SMYD3: variants seen among roughly 807,000 people sequenced by gnomAD.
SMYD3 encodes histone-lysine N-methyltransferase SMYD3.
Under a neutral mutation model 57.7 loss-of-function variants are expected in SMYD3, and 36 were observed. The observed-to-expected ratio is 0.62, with a 90% CI of 0.48 to 0.82. The LOEUF (loss-of-function observed/expected upper bound fraction) is 0.82. SMYD3 is among the 40% of genes least tolerant of loss of function. SMYD3 has a pLI of 0.00. For synonymous variants in SMYD3, 211 were observed against 195.0 expected (o/e 1.08, Z -0.68); for missense variants, 515 against 538.8 (o/e 0.96, Z 0.44).
In SMYD3 at chr1:246,466,328, G is replaced by A. The variant is rs116906148; in HGVS notation, c.164+40726C>T. Among the ~76,000 whole-genome samples, 6 of 152,302 alleles carry A rather than the reference G, an allele frequency of 3.9e-5. No individual in the cohort carries two copies. In the East Asian group the frequency reaches 1.2e-3, roughly 29 times the overall value. On this transcript the variant is annotated intron_variant, in intron 1 of 11. Transcript: ENST00000490107. ...AAAGAAAATGTACCTATACACCATG[G>A]AATACTATGCATGCGGCCATAAAAA...
At chr1:246,218,072 G>A (rs995001047) in intron 5 of SMYD3, among the ~76,000 whole-genome samples, 2 of 152,120 alleles carry the variant, frequency 1.3e-5, no homozygotes, top group African/African-American at 4.8e-5. Flanking sequence ...AAAACTGAAT[G>A]AGTTGCAGTT....
chr1:246,336,101 G>T (rs1313651273), intron 2 of SMYD3, among the ~76,000 whole-genome samples: 1 of 152,132 alleles, frequency 6.6e-6, no homozygotes, highest in African/African-American at 2.4e-5. Context: ...GAAAAGTTCT[G>T]GTTTTGATGA....
At chr1:246,064,726 C>A (rs1029054677) in intron 5 of SMYD3, among the ~76,000 whole-genome samples, 1 of 152,246 alleles carries the variant, frequency 6.6e-6, no homozygotes, top group African/African-American at 2.4e-5. Flanking sequence ...ATAAATGTCA[C>A]AACTTCAGCA....
chr1:246,104,498 G>A (rs899013204), intron 5 of SMYD3, among the ~76,000 whole-genome samples: 6 of 152,200 alleles, frequency 3.9e-5, no homozygotes, highest in Non-Finnish European at 8.8e-5. Context: ...AATGCAGGCT[G>A]AGTGGGCTCG....
At chr1:246,495,401 A>C (rs988201994) in intron 1 of SMYD3, among the ~76,000 whole-genome samples, 1 of 151,686 alleles carries the variant, frequency 6.6e-6, no homozygotes, top group Non-Finnish European at 1.5e-5. Context: ...ACTCCAGACA[A>C]ATTAAATGAG....
At chr1:246,473,600 C>T (rs1221728458) in intron 1 of SMYD3, among the ~76,000 whole-genome samples, 2 of 152,122 alleles carry the variant, frequency 1.3e-5, no homozygotes, top group East Asian at 3.8e-4. Flanking sequence ...CTAAAATTGC[C>T]CCCCACCACC....
chr1:246,190,873 C>A (rs1355489367), intron 5 of SMYD3, among the ~76,000 whole-genome samples: 1 of 151,956 alleles, frequency 6.6e-6, no homozygotes, highest in Non-Finnish European at 1.5e-5. Flanking sequence ...AGAAGGAAAG[C>A]AAGAGAAAAT....
chr1:246,300,453 C>T (rs2064874344), intron 5 of SMYD3, among the ~76,000 whole-genome samples: 1 of 152,158 alleles, frequency 6.6e-6, no homozygotes, highest in South Asian at 2.1e-4. Context: ...AAATTGCCTT[C>T]TTAGGTGTAC....
At chr1:245,882,108 G>A (rs2052812004) in intron 8 of SMYD3, among the ~76,000 whole-genome samples, 1 of 152,222 alleles carries the variant, frequency 6.6e-6, no homozygotes, top group East Asian at 1.9e-4. Context: ...GGTGGAAACA[G>A]GCAGACCGCT....
At chr1:245,931,358 T>C (rs867203529) in intron 5 of SMYD3, among the ~76,000 whole-genome samples, 6 of 152,192 alleles carry the variant, frequency 3.9e-5, no homozygotes, top group Non-Finnish European at 7.3e-5. Flanking sequence ...CCTTACTTAC[T>C]GCGGGACGGC....
chr1:245,766,132 C>T (rs895163086), intron 10 of SMYD3, among the ~76,000 whole-genome samples: 25 of 151,894 alleles, frequency 1.6e-4, no homozygotes, highest in African/African-American at 4.8e-4. Context: ...GGGCTGGGCG[C>T]GGCGGCTCAC....
intron 7 of SMYD3, among the ~76,000 whole-genome samples, chr1:245,927,038 A>T (rs1028367691): frequency 1.3e-5 from 2 of 152,252 alleles, no homozygotes; most frequent in African/African-American, 4.8e-5. Context: ...TACATAAAAT[A>T]TGGTACCTCT....
At chr1:245,800,289 T>A (rs2047792119) in intron 10 of SMYD3, among the ~76,000 whole-genome samples, 2 of 152,144 alleles carry the variant, frequency 1.3e-5, no homozygotes, top group African/African-American at 4.8e-5. Flanking sequence ...GGTCCTTCCA[T>A]CGGAAGCTCT....
intron 1 of SMYD3, among the ~76,000 whole-genome samples, chr1:246,470,827 G>A (rs911343399): frequency 1.3e-5 from 2 of 152,076 alleles, no homozygotes; most frequent in Non-Finnish European, 2.9e-5. Flanking sequence ...CAAAAGTACT[G>A]TGTGAATGTT....
Position 246,233,205 on chromosome 1 carries a change from A to G in SMYD3, c.531+93996T>C, listed in dbSNP as rs2063447776. ...CACACAGAGGAGAAGCACTCCTTCA[A>G]TTCACACTGTGATGAACATATACCA... is the stretch of plus-strand genomic sequence containing the variant. On this transcript the variant is annotated intron_variant, in intron 5 of 11. Coordinates refer to ENST00000490107, the MANE Select transcript of SMYD3 (RefSeq NM_001167740.2). 4.9e-5 allele frequency among the ~76,000 whole-genome samples: 6 copies of G among 121,290 alleles called. 1 individual carries two copies. The South Asian group carries it at 2.0e-3, about 40-fold the overall frequency. The allele number at this position is 121,290 out of a possible 152,430, so 79.6% of individuals were successfully genotyped here.
At chr1:245,774,967 G>T in intron 10 of SMYD3, among the ~76,000 whole-genome samples, 1 of 152,156 alleles carries the variant, frequency 6.6e-6, no homozygotes, top group Non-Finnish European at 1.5e-5. Context: ...CCTCCCGGAG[G>T]TGCAGGGATT....
chr1:245,798,498 A>C (rs2148226588), intron 10 of SMYD3, among the ~76,000 whole-genome samples: 1 of 130,416 alleles, frequency 7.7e-6, no homozygotes, highest in Non-Finnish European at 1.6e-5. Flanking sequence ...ACACACACAC[A>C]CACACACCTT....
chr1:246,184,543 T>C (rs2062602258), intron 5 of SMYD3, among the ~76,000 whole-genome samples: 1 of 152,134 alleles, frequency 6.6e-6, no homozygotes, highest in Non-Finnish European at 1.5e-5. Flanking sequence ...GACTAAATGT[T>C]TGTGTCCTCC....
chr1:246,274,132 A>C (rs575500985), intron 5 of SMYD3, among the ~76,000 whole-genome samples: 1 of 152,318 alleles, frequency 6.6e-6, no homozygotes, highest in South Asian at 2.1e-4. Context: ...GTCAAAAGAC[A>C]CAGGGACTCT....
Sources: gnomAD v4.1 joint callset for allele counts (sites outside exome capture counted in the v4.1 genomes callset) on GRCh38, gnomAD v4.1.1 for gene constraint, MANE v1.5 for transcripts, NCBI Gene and HGNC (gene_info 2026-07-23, HGNC 2026-07-21) for gene names.